PRIM2: variants seen among roughly 807,000 people sequenced by gnomAD.
The protein encoded by PRIM2 is DNA primase large subunit.
Under a neutral mutation model 67.3 loss-of-function variants are expected in PRIM2, and 39 were observed. That is an observed-to-expected ratio of 0.58 (90% CI 0.45 to 0.76). The LOEUF is 0.76. PRIM2 is among the 30% of genes least tolerant of loss of function. The pLI is 0.00. For synonymous variants in PRIM2, 143 were observed against 198.7 expected (o/e 0.72, Z 2.36); for missense variants, 398 against 598.7 (o/e 0.66, Z 3.50).
At chr6:57,302,000 CT>C in the PRIM2 span, among the ~76,000 whole-genome samples, 2 of 152,120 alleles carry the variant, frequency 1.3e-5, no homozygotes, top group Admixed American at 6.5e-5. Context: ...GAAGACATTC[CT>C]ATTTACTGGC....
At chr6:57,272,566 T>C in the PRIM2 span, among the ~76,000 whole-genome samples, 7 of 152,258 alleles carry the variant, frequency 4.6e-5, no homozygotes, top group Non-Finnish European at 7.3e-5. Flanking sequence ...CTGATGGTTC[T>C]TGACTCTTTA....
the PRIM2 span, among the ~76,000 whole-genome samples, chr6:57,225,585 A>T: frequency 1.3e-5 from 2 of 152,236 alleles, no homozygotes; most frequent in Non-Finnish European, 2.9e-5. Flanking sequence ...GTTAGTTATT[A>T]AGTCATTAAA....
chr6:57,627,279 C>CAAAAAAA lies in PRIM2; in HGVS notation c.1231-4831_1231-4825dup, dbSNP rs1158722297. On this transcript the variant is annotated intron_variant, in intron 12 of 13. Transcript: ENST00000615550. ...TGGGTGACAGAGTGAGACTCTGTCTCAAAAAAAAAAAAAAAAAAAAAAAAA... is the reference window on the plus strand; with the variant it reads ...TGGGTGACAGAGTGAGACTCTGTCTCAAAAAAAAAAAAAAAAAAAAAAAAAAAAAAAA... Among the ~76,000 whole-genome samples the CAAAAAAA allele has an allele frequency of 6.5e-3, 160 of 24,524 alleles. 26 individuals are homozygous for CAAAAAAA. The highest frequency in any genetic ancestry group is 0.054 in the East Asian group (16 of 294). 16.1% of individuals were successfully genotyped at this position (24,524 alleles called of 152,430 possible). A position where few individuals can be genotyped will look rare whatever the true frequency, so the allele number is the denominator to read the frequency against.
chr6:57,428,287 G>T (rs2127377239), intron 7 of PRIM2, among the ~76,000 whole-genome samples: 1 of 152,280 alleles, frequency 6.6e-6, no homozygotes, highest in South Asian at 2.1e-4. Flanking sequence ...ATATCAAGTT[G>T]TAAAGTTGTT....
At chr6:57,357,656 C>T (rs113587434) in intron 5 of PRIM2, among the ~76,000 whole-genome samples, 19,093 of 149,080 alleles carry the variant, frequency 0.13, 1,372 homozygotes, top group African/African-American at 0.18. Flanking sequence ...TGCAGTGGTG[C>T]GATCTCGGCT....
intron 7 of PRIM2, among the ~76,000 whole-genome samples, chr6:57,502,540 A>T (rs1223664486): frequency 6.6e-6 from 1 of 152,098 alleles, no homozygotes; most frequent in Non-Finnish European, 1.5e-5. Flanking sequence ...CGTGAACCTT[A>T]ATTGCATGTG....
the PRIM2 span, among the ~76,000 whole-genome samples, chr6:57,286,928 T>C: frequency 6.6e-6 from 1 of 152,040 alleles, no homozygotes; most frequent in East Asian, 1.9e-4. Flanking sequence ...AACAACCCCA[T>C]CAAAAAGTGG....
At chr6:57,320,243 A>G (rs539622028) in intron 2 of PRIM2, among the ~76,000 whole-genome samples, 6 of 151,986 alleles carry the variant, frequency 3.9e-5, no homozygotes, top group African/African-American at 1.4e-4. Flanking sequence ...CTGGTATTAA[A>G]TTATGCTGTG....
At chr6:57,534,330 T>C (rs1774955124) in intron 9 of PRIM2, among the ~76,000 whole-genome samples, 1 of 152,148 alleles carries the variant, frequency 6.6e-6, no homozygotes, top group Non-Finnish European at 1.5e-5. Context: ...CCTGTATTCG[T>C]TGATGATTTG....
intron 7 of PRIM2, among the ~76,000 whole-genome samples, chr6:57,486,303 TGTG>T (rs1482543942): frequency 1.3e-5 from 2 of 152,230 alleles, no homozygotes; most frequent in Non-Finnish European, 2.9e-5. Context: ...ACGTTAAGCT[TGTG>T]GGGGTTATTT....
intron 5 of PRIM2, among the ~76,000 whole-genome samples, chr6:57,331,010 G>A (rs189858071): frequency 1.7e-4 from 26 of 151,634 alleles, no homozygotes; most frequent in Middle Eastern, 3.4e-3. Flanking sequence ...GTGAAACCCC[G>A]TCTCTACTAA....
intron 5 of PRIM2, among the ~76,000 whole-genome samples, chr6:57,360,807 CT>C (rs1012630690): frequency 6.8e-6 from 1 of 147,700 alleles, no homozygotes; most frequent in Non-Finnish European, 1.5e-5. Context: ...TAATTTTGCC[CT>C]TTTTTTGATA....
intron 7 of PRIM2, among the ~76,000 whole-genome samples, chr6:57,506,819 A>G (rs1258012093): frequency 5.9e-5 from 9 of 152,176 alleles, no homozygotes; most frequent in Non-Finnish European, 7.4e-5. Context: ...CTTATTTCCT[A>G]GCTCAATTTG....
chr6:57,473,528 C>T (rs1773389250), intron 7 of PRIM2, among the ~76,000 whole-genome samples: 1 of 152,086 alleles, frequency 6.6e-6, no homozygotes, highest in Non-Finnish European at 1.5e-5. Context: ...CTTGTTGAAT[C>T]TAATATGCAG....
At chr6:57,398,081 T>C (rs1770584057) in intron 7 of PRIM2, among the ~76,000 whole-genome samples, 1 of 151,772 alleles carries the variant, frequency 6.6e-6, no homozygotes, top group Admixed American at 6.6e-5. Flanking sequence ...TACCTCAGCC[T>C]TCTGAGTTGC....
the PRIM2 span, among the ~76,000 whole-genome samples, chr6:57,231,346 T>G: frequency 6.6e-6 from 1 of 152,206 alleles, no homozygotes; most frequent in African/African-American, 2.4e-5. Context: ...AAGGGATTAC[T>G]TTATTCTACT....
intron 7 of PRIM2, among the ~76,000 whole-genome samples, chr6:57,452,311 G>T (rs1166876304): frequency 1.3e-5 from 2 of 152,094 alleles, no homozygotes; most frequent in Non-Finnish European, 2.9e-5. Context: ...TAATGGGATT[G>T]CTGGGTCAAA....
At chr6:57,291,986 G>T in the PRIM2 span, among the ~76,000 whole-genome samples, 1 of 152,178 alleles carries the variant, frequency 6.6e-6, no homozygotes, top group African/African-American at 2.4e-5. Context: ...AGGGTTGGAA[G>T]TTCTGGCCAG....
At chr6:57,518,797 A>G (rs1774542504) in intron 8 of PRIM2, among the ~76,000 whole-genome samples, 1 of 152,198 alleles carries the variant, frequency 6.6e-6, no homozygotes, top group African/African-American at 2.4e-5. Flanking sequence ...TTCTTTATGC[A>G]ATCAGGAACT....
Sources: gnomAD v4.1 joint callset for allele counts (sites outside exome capture counted in the v4.1 genomes callset) on GRCh38, gnomAD v4.1.1 for gene constraint, MANE v1.5 for transcripts, NCBI Gene and HGNC (gene_info 2026-07-23, HGNC 2026-07-21) for gene names.